Variants in ADARB2 observed in about 807,000 individuals in gnomAD.
ADARB2 encodes inactive double-stranded RNA-specific editase B2.
Under a neutral mutation model 62.2 loss-of-function variants are expected in ADARB2, and 25 were observed. The observed-to-expected ratio is 0.40, with a 90% CI of 0.29 to 0.56. The LOEUF (loss-of-function observed/expected upper bound fraction) is 0.56. ADARB2 is among the 20% of genes least tolerant of loss of function. ADARB2 has a pLI of 0.43. For synonymous variants in ADARB2, 572 were observed against 500.8 expected (o/e 1.14, Z -1.90); for missense variants, 1,071 against 1,077.4 (o/e 0.99, Z 0.08).
intron 1 of ADARB2, among the ~76,000 whole-genome samples, chr10:1,583,074 C>T (rs914973904): frequency 6.6e-6 from 1 of 152,202 alleles, no homozygotes; most frequent in Non-Finnish European, 1.5e-5. Context: ...CATCTATCAT[C>T]ACAAAGTAAT....
Position 1,469,622 on chromosome 10 carries a change from C to T in ADARB2, c.101-90462G>A, listed in dbSNP as rs781224898. 5.3e-5 allele frequency among the ~76,000 whole-genome samples: 8 copies of T among 152,036 alleles called. No homozygotes were observed. In the East Asian group the frequency reaches 5.8e-4, roughly 11 times the overall value. On this transcript the variant is annotated intron_variant, in intron 1 of 9. Coordinates refer to ENST00000381312, the MANE Select transcript of ADARB2 (RefSeq NM_018702.4). Reference sequence around the variant, plus strand: ...AATTGGTTGATTTGATGTTAGTTGTCGTAATTGATGACTGGTGCCTTCTGA... The same window carrying T: ...AATTGGTTGATTTGATGTTAGTTGTTGTAATTGATGACTGGTGCCTTCTGA...
intron 3 of ADARB2, among the ~76,000 whole-genome samples, chr10:1,326,012 C>G (rs1831841458): frequency 6.6e-6 from 1 of 152,176 alleles, no homozygotes; most frequent in Non-Finnish European, 1.5e-5. Flanking sequence ...CACAGGAAAC[C>G]ATTCGAATCG....
Position 1,538,211 on chromosome 10 carries a change from G to A in ADARB2, c.101-159051C>T, listed in dbSNP as rs540470735. Among the ~76,000 whole-genome samples the A allele has an allele frequency of 2.6e-5, 4 of 152,296 alleles. No individual in the cohort carries two copies. The South Asian group carries it at 8.3e-4, about 32-fold the overall frequency. On this transcript the variant is annotated intron_variant, in intron 1 of 9. Coordinates refer to ENST00000381312, the MANE Select transcript of ADARB2 (RefSeq NM_018702.4). ...TTCTTGCATGTGTCCAGAGAGCCTG[G>A]CAGTCTCTCCAGTGCCTGCGTTTGT... is the stretch of plus-strand genomic sequence containing the variant.
At chr10:1,336,365 A>G (rs1013896385) in intron 3 of ADARB2, among the ~76,000 whole-genome samples, 3 of 152,138 alleles carry the variant, frequency 2.0e-5, no homozygotes, top group Non-Finnish European at 2.9e-5. Context: ...TTGTTTCCTC[A>G]GTGTCTTAAA....
intron 1 of ADARB2, among the ~76,000 whole-genome samples, chr10:1,536,487 A>G (rs1450798195): frequency 1.3e-5 from 2 of 152,232 alleles, no homozygotes; most frequent in African/African-American, 4.8e-5. Flanking sequence ...AGGCTTCTCC[A>G]TCAGCAACGG....
At chr10:1,449,014 G>A (rs572692977) in intron 1 of ADARB2, among the ~76,000 whole-genome samples, 47 of 152,288 alleles carry the variant, frequency 3.1e-4, no homozygotes, top group African/African-American at 1.1e-3. Context: ...AGCGAGTTCG[G>A]GGAGAAAAGG....
intron 1 of ADARB2, among the ~76,000 whole-genome samples, chr10:1,558,335 C>A (rs1832735521): frequency 7.0e-6 from 1 of 143,350 alleles, no homozygotes; most frequent in Non-Finnish European, 1.5e-5. Flanking sequence ...AAATCCGCAT[C>A]CCACCTCTGT....
intron 1 of ADARB2, among the ~76,000 whole-genome samples, chr10:1,545,395 A>G (rs1832503505): frequency 6.6e-6 from 1 of 152,254 alleles, no homozygotes; most frequent in African/African-American, 2.4e-5. Flanking sequence ...TGTTTGTAAC[A>G]GTAAACCATA....
chr10:1,568,769 C>T (rs1832892401), intron 1 of ADARB2, among the ~76,000 whole-genome samples: 1 of 151,728 alleles, frequency 6.6e-6, no homozygotes, highest in Non-Finnish European at 1.5e-5. Context: ...TGAATCTAAA[C>T]TTCTGTGTGC....
At chr10:1,568,235 C>A (rs1371598102) in intron 1 of ADARB2, among the ~76,000 whole-genome samples, 1 of 152,200 alleles carries the variant, frequency 6.6e-6, no homozygotes, top group Non-Finnish European at 1.5e-5. Context: ...CCTGACTCTG[C>A]CCTGGTGTCC....
intron 1 of ADARB2, among the ~76,000 whole-genome samples, chr10:1,496,343 A>G (rs1435919153): frequency 2.6e-5 from 4 of 152,000 alleles, no homozygotes; most frequent in Non-Finnish European, 5.9e-5. Context: ...CGTCACCTCC[A>G]TTATCATCAT....
At chr10:1,451,573 G>A (rs140277563) in intron 1 of ADARB2, among the ~76,000 whole-genome samples, 12 of 151,636 alleles carry the variant, frequency 7.9e-5, no homozygotes, top group African/African-American at 2.9e-4. Flanking sequence ...ATGAGGAGGG[G>A]ACACACCTGT....
intron 1 of ADARB2, among the ~76,000 whole-genome samples, chr10:1,423,846 GGACCACTATGTATGCAGTAA>G (rs1389131858): frequency 6.6e-6 from 1 of 150,970 alleles, no homozygotes; most frequent in Non-Finnish European, 1.5e-5. Context: ...GTATGCAGCA[GGACCACTATGTATGCAGTAA>G]GACCACTATG....
chr10:1,463,982 C>T (rs781473651), intron 1 of ADARB2, among the ~76,000 whole-genome samples: 12 of 152,344 alleles, frequency 7.9e-5, no homozygotes, highest in South Asian at 4.1e-4. Flanking sequence ...CCATAAGACG[C>T]CTGGACACAC....
At chr10:1,556,265 T>C (rs1233796566) in intron 1 of ADARB2, among the ~76,000 whole-genome samples, 1 of 150,662 alleles carries the variant, frequency 6.6e-6, no homozygotes, top group Non-Finnish European at 1.5e-5. Flanking sequence ...AAAAGTCTTT[T>C]TTTTTTTTTT....
chr10:1,389,817 A>G (rs1564277151), intron 1 of ADARB2, among the ~76,000 whole-genome samples: 1 of 152,052 alleles, frequency 6.6e-6, no homozygotes, highest in Non-Finnish European at 1.5e-5. Context: ...ACGGCGCTAC[A>G]TGTTTACATG....
intron 1 of ADARB2, among the ~76,000 whole-genome samples, chr10:1,706,903 G>GTTGGGCAGGAAGTAGGGATTCA (rs1834896952): frequency 1.4e-5 from 2 of 148,128 alleles, no homozygotes; most frequent in Non-Finnish European, 3.0e-5. Context: ...TGGGGTTTTT[G>GTTGGGCAGGAAGTAGGGATTCA]TTGGGCAGGA....
chr10:1,242,074 C>T (rs1392931005), intron 5 of ADARB2, 57 bp downstream of exon 5: 1 of 1,520,188 alleles, frequency 6.6e-7, no homozygotes, highest in African/African-American at 1.4e-5. Context: ...CATCTGCTCC[C>T]TGGCAGCCCC....
At chr10:1,629,259 C>T (rs1833813413) in intron 1 of ADARB2, among the ~76,000 whole-genome samples, 1 of 152,060 alleles carries the variant, frequency 6.6e-6, no homozygotes, top group African/African-American at 2.4e-5. Flanking sequence ...AGTGATGAGC[C>T]AGGGCACAGT....
Sources: allele counts gnomAD v4.1 joint callset (sites outside exome capture counted in the v4.1 genomes callset), GRCh38; gene constraint gnomAD v4.1.1; transcripts MANE v1.5; gene names NCBI Gene and HGNC (gene_info 2026-07-23, HGNC 2026-07-21).